The following ARB2A variants were observed in gnomAD, a reference collection of about 807,000 sequenced individuals.
ARB2A encodes ARB2 cotranscriptional regulator A, also known as cotranscriptional regulator ARB2A.
chr5:93,955,122 G>C, the ARB2A span, among the ~76,000 whole-genome samples: 1 of 152,108 alleles, frequency 6.6e-6, no homozygotes, highest in Non-Finnish European at 1.5e-5. Flanking sequence ...CAGGTACTGT[G>C]ACTGCTCACC....
the ARB2A span, among the ~76,000 whole-genome samples, chr5:93,824,431 G>A: frequency 6.6e-6 from 1 of 151,820 alleles, no homozygotes; most frequent in African/African-American, 2.4e-5. Flanking sequence ...ATTCAAATTA[G>A]AGAATATGAG....
the ARB2A span, among the ~76,000 whole-genome samples, chr5:93,720,298 T>C: frequency 6.6e-6 from 1 of 152,248 alleles, no homozygotes; most frequent in Non-Finnish European, 1.5e-5. Context: ...CAGTTTACAA[T>C]GCAGCCCATT....
chr5:93,892,236 C>T, the ARB2A span, among the ~76,000 whole-genome samples: 1 of 152,110 alleles, frequency 6.6e-6, no homozygotes, highest in Non-Finnish European at 1.5e-5. Flanking sequence ...CAAAGAGAGG[C>T]AAAGACTCAA....
chr5:93,732,737 C>A, the ARB2A span, among the ~76,000 whole-genome samples: 1 of 152,028 alleles, frequency 6.6e-6, no homozygotes, highest in Non-Finnish European at 1.5e-5. Flanking sequence ...TTAAATATGG[C>A]TTTGTAAAGA....
At chr5:93,762,042 C>A in the ARB2A span, among the ~76,000 whole-genome samples, 3 of 151,564 alleles carry the variant, frequency 2.0e-5, no homozygotes, top group Non-Finnish European at 4.4e-5. Context: ...CACACCAAAA[C>A]CCCATCTGTA....
the ARB2A span, among the ~76,000 whole-genome samples, chr5:93,800,425 GCACA>G: frequency 1.1e-5 from 1 of 91,216 alleles, no homozygotes; most frequent in Non-Finnish European, 2.4e-5. Flanking sequence ...ACACACACAC[GCACA>G]CAAAGATACA....
the ARB2A span, among the ~76,000 whole-genome samples, chr5:93,887,932 C>T: frequency 4.0e-5 from 6 of 151,814 alleles, no homozygotes; most frequent in Non-Finnish European, 8.8e-5. Context: ...AATGTTTTGG[C>T]ACACAAAAGG....
At chr5:94,037,677 ATC>A in the ARB2A span, among the ~76,000 whole-genome samples, 1 of 152,228 alleles carries the variant, frequency 6.6e-6, no homozygotes, top group South Asian at 2.1e-4. Context: ...TAAGACCCAG[ATC>A]TCCTGATGGC....
chr5:93,902,043 C>T, the ARB2A span, among the ~76,000 whole-genome samples: 1 of 151,882 alleles, frequency 6.6e-6, no homozygotes, highest in African/African-American at 2.4e-5. Flanking sequence ...GGAAAAATGG[C>T]AATCTGCAGA....
At chr5:93,841,505 C>T in the ARB2A span, among the ~76,000 whole-genome samples, 4 of 152,100 alleles carry the variant, frequency 2.6e-5, no homozygotes, top group African/African-American at 4.8e-5. Context: ...GTATCTGAGG[C>T]GTGAAGGAGG....
At chr5:93,917,519 T>C in the ARB2A span, among the ~76,000 whole-genome samples, 1 of 152,162 alleles carries the variant, frequency 6.6e-6, no homozygotes, top group Non-Finnish European at 1.5e-5. Flanking sequence ...GTTTGCATGA[T>C]TGTTATGTAT....
the ARB2A span, among the ~76,000 whole-genome samples, chr5:93,783,888 A>C: frequency 6.6e-6 from 1 of 152,146 alleles, no homozygotes; most frequent in African/African-American, 2.4e-5. Context: ...CTCTTAGCTC[A>C]AGGGTCTGGC....
chr5:93,706,981 A>G, the ARB2A span, among the ~76,000 whole-genome samples: 1 of 152,156 alleles, frequency 6.6e-6, no homozygotes, highest in East Asian at 1.9e-4. Context: ...TGATCATAAG[A>G]GCTCTTTTTT....
chr5:93,623,493 T>C, the ARB2A span, among the ~76,000 whole-genome samples: 4 of 152,192 alleles, frequency 2.6e-5, no homozygotes, highest in African/African-American at 9.7e-5. Context: ...CAATTTTAAC[T>C]CCTTTATTTC....
chr5:94,053,818 G>A, the ARB2A span, among the ~76,000 whole-genome samples: 1 of 152,246 alleles, frequency 6.6e-6, no homozygotes, highest in South Asian at 2.1e-4. Context: ...CTAGGCTGGA[G>A]TGCAGTGGCA....
the ARB2A span, among the ~76,000 whole-genome samples, chr5:93,897,554 C>A: frequency 6.6e-6 from 1 of 151,850 alleles, no homozygotes; most frequent in Admixed American, 6.6e-5. Flanking sequence ...TTTAATTGTA[C>A]ACAGTTTTAA....
the ARB2A span, among the ~76,000 whole-genome samples, chr5:94,018,892 C>T: frequency 3.3e-5 from 5 of 152,196 alleles, no homozygotes; most frequent in Admixed American, 1.3e-4. Context: ...GGTGACATCA[C>T]GCTACCTGAC....
At chr5:94,096,350 T>A in the ARB2A span, among the ~76,000 whole-genome samples, 1 of 152,212 alleles carries the variant, frequency 6.6e-6, no homozygotes, top group Admixed American at 6.5e-5. Context: ...TATGCCTTCA[T>A]TAACTTGGAT....
chr5:93,936,836 T>C, the ARB2A span, among the ~76,000 whole-genome samples: 2 of 152,114 alleles, frequency 1.3e-5, no homozygotes, highest in Non-Finnish European at 2.9e-5. Flanking sequence ...ATCAAAATTA[T>C]ACAGAACAAG....
Sources: allele counts gnomAD v4.1 joint callset (sites outside exome capture counted in the v4.1 genomes callset), GRCh38; gene constraint gnomAD v4.1.1; transcripts MANE v1.5; gene names NCBI Gene and HGNC (gene_info 2026-07-23, HGNC 2026-07-21).